CDC42BPB: variants seen among roughly 807,000 people sequenced by gnomAD.
The protein encoded by CDC42BPB is CDC42 binding protein kinase beta.
A neutral mutation model predicts 214.9 loss-of-function variants in CDC42BPB; 37 were observed. The observed-to-expected ratio is 0.17, with a 90% confidence interval of 0.13 to 0.23. The LOEUF (loss-of-function observed/expected upper bound fraction) is 0.23, where lower values mean the gene tolerates loss of function less well. Among genes scored for constraint, CDC42BPB ranks in the 10% least tolerant of loss-of-function variants. CDC42BPB has a pLI of 1.00. For missense variants in CDC42BPB, 1,694 were observed against 2,227.0 expected (o/e 0.76, Z 4.82); for synonymous variants, 931 against 884.0 (o/e 1.05, Z -0.94).
Position 102,973,190 on chromosome 14 carries a change from C to T in CDC42BPB, c.1641+826G>A, listed in dbSNP as rs35113752. The stretch of plus-strand genomic sequence containing the variant: ...GCCTCTCTGGGCCCGCTGGGAGGTA[C>T]TATGACCCTGTCAAGCAATGAGATG... On this transcript the variant is annotated intron_variant, in intron 12 of 36. Coordinates refer to ENST00000361246, the MANE Select transcript of CDC42BPB (RefSeq NM_006035.4). Among the ~76,000 whole-genome samples the T allele has an allele frequency of 5.8e-3, 888 of 152,306 alleles. 10 individuals carry two copies. The highest frequency in any genetic ancestry group is 0.021 in the African/African-American group (862 of 41,572).
Position 102,933,974 on chromosome 14 carries a change from C to T in CDC42BPB, c.5005-131G>A, listed in dbSNP as rs962932069. On this transcript the variant is annotated intron_variant, in intron 36 of 36. Transcript: ENST00000361246. ...CTCTTCTCCCTTCATGTTATGAAAACACACACGCTCTACACCAGCGATTCG... is the reference window on the plus strand; with the variant it reads ...CTCTTCTCCCTTCATGTTATGAAAATACACACGCTCTACACCAGCGATTCG... 3 of 1,410,876 alleles carry T rather than the reference C, an allele frequency of 2.1e-6. No homozygotes were observed. In the African/African-American group the frequency reaches 4.6e-5, roughly 21 times the overall value. The allele number at this position is 1,410,876 out of a possible 1,614,324, so 87.4% of individuals were successfully genotyped here. A position where few individuals can be genotyped will look rare whatever the true frequency, so the allele number is the denominator to read the frequency against.
intron 1 of CDC42BPB, among the ~76,000 whole-genome samples, chr14:103,037,986 G>C (rs1232678792): frequency 6.9e-6 from 1 of 145,278 alleles, no homozygotes; most frequent in Non-Finnish European, 1.5e-5. Flanking sequence ...CCGAGATCAT[G>C]CCACTGCCCT....
At chr14:103,019,530 G>A (rs200608540) in intron 1 of CDC42BPB, among the ~76,000 whole-genome samples, 11 of 152,150 alleles carry the variant, frequency 7.2e-5, no homozygotes, top group African/African-American at 2.2e-4. Flanking sequence ...GACCTGCCAC[G>A]CTGACAGGAC....
At chr14:102,946,729 C>T (rs764317749) in intron 27 of CDC42BPB, 45 bp from the exon 28 acceptor site, 16 of 1,602,716 alleles carry the variant, frequency 1.0e-5, no homozygotes, top group African/African-American at 1.3e-5. Flanking sequence ...CATCAAACGC[C>T]AAAGCCGCAC....
chr14:102,958,893 G>C (rs1274626379), intron 21 of CDC42BPB, among the ~76,000 whole-genome samples: 1 of 151,446 alleles, frequency 6.6e-6, no homozygotes, highest in Non-Finnish European at 1.5e-5. Context: ...GGCTCGTCTT[G>C]AACTCCTGGG....
intron 11 of CDC42BPB, 176 bp from the exon 12 acceptor site, chr14:102,974,325 C>T (rs1225169197): frequency 1.0e-6 from 1 of 977,666 alleles, no homozygotes; most frequent in East Asian, 1.1e-4. Flanking sequence ...CACACAGTGT[C>T]ATAGGCACAG....
Position 103,001,784 on chromosome 14 carries a change from G to A in CDC42BPB, c.448-2071C>T, listed in dbSNP as rs1043056848. On this transcript the variant is annotated intron_variant, in intron 4 of 36. Transcript: ENST00000361246. This position sits in a 1 kb window ranked among gnomAD's most constrained non-coding sequence, Gnocchi z 5.8. ...CCCTCGGGCCCCTAAGGAAGGCCGT[G>A]GGGTCGAGTCAAGCCCTTACTAGCT... Among the ~76,000 whole-genome samples the A allele has an allele frequency of 2.6e-5, 4 of 152,164 alleles. No homozygotes were observed. Among genetic ancestry groups the A allele is most frequent in the Non-Finnish European group, 4.4e-5 (3 of 68,028 alleles).
At chr14:102,959,157 C>T (rs1252159883) in intron 21 of CDC42BPB, among the ~76,000 whole-genome samples, 3 of 151,706 alleles carry the variant, frequency 2.0e-5, no homozygotes, top group Admixed American at 1.3e-4. Flanking sequence ...ATTAGCCGGG[C>T]GTGGTGGTGG....
intron 36 of CDC42BPB, among the ~76,000 whole-genome samples, chr14:102,937,658 C>G (rs1185634880): frequency 6.6e-6 from 1 of 152,260 alleles, no homozygotes; most frequent in Non-Finnish European, 1.5e-5. Flanking sequence ...GAGCTGCGCA[C>G]AACAGTGGCG....
At chr14:102,966,085 C>T (rs973967921) in intron 18 of CDC42BPB, among the ~76,000 whole-genome samples, 197 bp downstream of exon 18, 3 of 152,190 alleles carry the variant, frequency 2.0e-5, no homozygotes, top group East Asian at 1.9e-4. Flanking sequence ...ATTTGCTAAA[C>T]GAATGAATGC....
chr14:103,014,044 C>G (rs551685299), intron 1 of CDC42BPB, among the ~76,000 whole-genome samples: 7 of 151,974 alleles, frequency 4.6e-5, no homozygotes, highest in Non-Finnish European at 1.0e-4. Flanking sequence ...CGGGCGCCTG[C>G]GGTCCCAGTT....
intron 1 of CDC42BPB, among the ~76,000 whole-genome samples, chr14:103,033,347 A>G (rs1595172421): frequency 6.6e-6 from 1 of 152,062 alleles, no homozygotes; most frequent in East Asian, 1.9e-4. Flanking sequence ...TCAGCCTCCC[A>G]AGTAGCTGGG....
At chr14:103,037,786 T>C (rs1231269296) in intron 1 of CDC42BPB, among the ~76,000 whole-genome samples, 2 of 152,022 alleles carry the variant, frequency 1.3e-5, no homozygotes, top group Non-Finnish European at 2.9e-5. Flanking sequence ...ATCCCAGCAC[T>C]TTGGGAGGCC....
At chr14:102,937,880 C>T (rs969356110) in intron 36 of CDC42BPB, among the ~76,000 whole-genome samples, 1 of 152,166 alleles carries the variant, frequency 6.6e-6, no homozygotes, top group African/African-American at 2.4e-5. Flanking sequence ...AGCCCTGTCC[C>T]TAGTCAGCGT....
intron 30 of CDC42BPB, among the ~76,000 whole-genome samples, chr14:102,941,986 C>CTTCA (rs1339457173): frequency 1.3e-5 from 2 of 152,260 alleles, no homozygotes; most frequent in Non-Finnish European, 2.9e-5. Context: ...AACCGAGGAA[C>CTTCA]TTCAGGTGTC....
At chr14:102,946,161 A>T (rs899836180) in intron 28 of CDC42BPB, among the ~76,000 whole-genome samples, 2 of 151,062 alleles carry the variant, frequency 1.3e-5, no homozygotes, top group Non-Finnish European at 2.9e-5. Flanking sequence ...GGTGCCCGCC[A>T]CCACGCCCAG....
In CDC42BPB at chr14:102,975,823, CG is replaced by C; in HGVS notation, c.1388-21del. ...TGGACTCTGAGGGATGGAGAGACAG[CG>C]TGAGGTGCAGCCTGGCCGCAGCGCC... On this transcript the variant is annotated intron_variant, in intron 10 of 36. Transcript: ENST00000361246. 1 of 1,614,072 alleles carries C rather than the reference CG, an allele frequency of 6.2e-7. No homozygotes were observed. The highest frequency in any genetic ancestry group is 8.5e-7 in the Non-Finnish European group (1 of 1,179,946).
chr14:102,973,540 A>G (rs1453890654), intron 12 of CDC42BPB, among the ~76,000 whole-genome samples: 1 of 152,188 alleles, frequency 6.6e-6, no homozygotes, highest in Non-Finnish European at 1.5e-5. Flanking sequence ...CCCTTCTAAG[A>G]GCAGAGGCCT....
At chr14:103,018,342 G>C (rs1248643849) in intron 1 of CDC42BPB, among the ~76,000 whole-genome samples, 2 of 152,156 alleles carry the variant, frequency 1.3e-5, no homozygotes, top group Non-Finnish European at 2.9e-5. Context: ...CAACTTTTCT[G>C]AAGTTTCAAA....
Sources: allele counts gnomAD v4.1 joint callset (sites outside exome capture counted in the v4.1 genomes callset), GRCh38; gene constraint gnomAD v4.1.1; non-coding constraint Gnocchi (gnomAD v3.1); transcripts MANE v1.5; gene names NCBI Gene and HGNC (gene_info 2026-07-23, HGNC 2026-07-21).